RBFOX1: variants seen among roughly 807,000 people sequenced by gnomAD.
RBFOX1 encodes RNA binding protein fox-1 homolog 1.
A neutral mutation model predicts 57.7 loss-of-function variants in RBFOX1; 8 were observed. The ratio of observed to expected loss-of-function variants is 0.14; its 90% CI spans 0.08 to 0.25. The LOEUF is 0.25. Ranked by LOEUF, RBFOX1 falls within the 10% of genes least tolerant of loss-of-function variation. The pLI is 1.00. For missense variants in RBFOX1, 611 were observed against 548.5 expected (o/e 1.11, Z -1.14); for synonymous variants, 326 against 222.4 (o/e 1.47, Z -4.15).
intron 5 of RBFOX1, among the ~76,000 whole-genome samples, chr16:7,526,590 C>T (rs142636018): frequency 6.6e-6 from 1 of 152,314 alleles, no homozygotes; most frequent in Non-Finnish European, 1.5e-5. Flanking sequence ...GTTTACGCCT[C>T]ATGTACTTAC....
At chr16:6,746,125 C>A (rs764181850) in intron 3 of RBFOX1, among the ~76,000 whole-genome samples, 1 of 152,042 alleles carries the variant, frequency 6.6e-6, no homozygotes, top group South Asian at 2.1e-4. Flanking sequence ...TTGAAAGAGA[C>A]TTAAATATGT....
chr16:6,273,634 C>T (rs1270671509), intron 1 of RBFOX1, among the ~76,000 whole-genome samples: 1 of 151,898 alleles, frequency 6.6e-6, no homozygotes, highest in Non-Finnish European at 1.5e-5. Context: ...GCGTGAGCCA[C>T]CATGCTTGGC....
rs77678693 is a variant in RBFOX1, at chr16:5,495,260, G to C, written c.258+28006G>C. On this transcript the variant is annotated intron_variant, in intron 2 of 2. Transcript: ENST00000585867. The stretch of plus-strand genomic sequence containing the variant: ...AGCACAAAATACCCTGCTTCCATCA[G>C]CCTAGCAAAACTTTGGATACCAGTC... Among the ~76,000 whole-genome samples, 873 of 152,322 alleles carry C rather than the reference G, an allele frequency of 5.7e-3. 10 individuals carry two copies. The highest frequency in any genetic ancestry group is 0.011 in the Non-Finnish European group (719 of 68,034).
intron 2 of RBFOX1, among the ~76,000 whole-genome samples, chr16:6,459,384 A>G (rs2094854874): frequency 6.6e-6 from 1 of 152,154 alleles, no homozygotes; most frequent in African/African-American, 2.4e-5. Flanking sequence ...CATCCTTTCA[A>G]AAGAGTTTTA....
intron 3 of RBFOX1, among the ~76,000 whole-genome samples, chr16:6,710,869 G>A (rs1417136638): frequency 6.6e-6 from 1 of 152,192 alleles, no homozygotes; most frequent in Admixed American, 6.5e-5. Context: ...GAAAGGGACA[G>A]GCTTCATTTG....
chr16:6,591,290 A>G (rs1600816048), intron 2 of RBFOX1, among the ~76,000 whole-genome samples: 1 of 152,038 alleles, frequency 6.6e-6, no homozygotes. Context: ...TACTAAAAAT[A>G]TATATTTTTT....
chr16:6,626,813 T>C (rs1266574227), intron 2 of RBFOX1, among the ~76,000 whole-genome samples: 1 of 152,008 alleles, frequency 6.6e-6, no homozygotes, highest in East Asian at 1.9e-4. Flanking sequence ...TAGAATTCAG[T>C]TTATCACCAG....
At chr16:7,460,298 C>G (rs1220976735) in intron 4 of RBFOX1, among the ~76,000 whole-genome samples, 2 of 148,986 alleles carry the variant, frequency 1.3e-5, no homozygotes, top group East Asian at 4.0e-4. Context: ...CCTAGCCAGC[C>G]CACGTATCTC....
At chr16:6,775,915 C>T (rs1241469162) in intron 3 of RBFOX1, 1 of 152,168 alleles carries the variant, frequency 6.6e-6, no homozygotes, top group East Asian at 1.9e-4. Context: ...TGCTTCTTTC[C>T]AAGTCTCCTG....
intron 3 of RBFOX1, among the ~76,000 whole-genome samples, chr16:6,884,820 C>G (rs1022398905): frequency 6.6e-6 from 1 of 152,170 alleles, no homozygotes. Flanking sequence ...ATCTCTTGAA[C>G]TCAGGAGGTG....
At chr16:5,545,405 A>G (rs1199065946) in intron 2 of RBFOX1, among the ~76,000 whole-genome samples, 1 of 152,224 alleles carries the variant, frequency 6.6e-6, no homozygotes, top group African/African-American at 2.4e-5. Flanking sequence ...CAGAGAAATT[A>G]TAAGAAGAGG....
intron 5 of RBFOX1, among the ~76,000 whole-genome samples, chr16:7,542,410 T>A (rs2083191924): frequency 6.6e-6 from 1 of 151,956 alleles, no homozygotes; most frequent in African/African-American, 2.4e-5. Flanking sequence ...GCAGGTGAAA[T>A]TCCAGTTGAT....
chr16:5,836,332 C>A (rs1388261188), intron 3 of RBFOX1, among the ~76,000 whole-genome samples: 1 of 152,124 alleles, frequency 6.6e-6, no homozygotes. Flanking sequence ...CTCCAAGACC[C>A]TTTGCCTGGC....
At chr16:6,083,073 C>T (rs1446376683) in intron 1 of RBFOX1, among the ~76,000 whole-genome samples, 1 of 152,006 alleles carries the variant, frequency 6.6e-6, no homozygotes. Context: ...ATGATCTCGG[C>T]TCACTGCAAC....
At chr16:7,047,249 G>C (rs761535446) in intron 3 of RBFOX1, among the ~76,000 whole-genome samples, 1 of 152,244 alleles carries the variant, frequency 6.6e-6, no homozygotes, top group South Asian at 2.1e-4. Context: ...TCTGTCTGCA[G>C]TGAATTTTCT....
At chr16:7,538,563 C>T (rs991656618) in intron 5 of RBFOX1, among the ~76,000 whole-genome samples, 3 of 152,110 alleles carry the variant, frequency 2.0e-5, no homozygotes, top group African/African-American at 4.8e-5. Context: ...ATGGTTTCTT[C>T]GTTTAGAATG....
intron 3 of RBFOX1, among the ~76,000 whole-genome samples, chr16:7,043,163 G>C (rs948617376): frequency 6.6e-6 from 1 of 152,028 alleles, no homozygotes; most frequent in East Asian, 1.9e-4. Flanking sequence ...TTAGATCAAG[G>C]GTCTCAGCTC....
intron 4 of RBFOX1, among the ~76,000 whole-genome samples, chr16:5,994,839 A>C (rs921069626): frequency 2.0e-5 from 3 of 152,202 alleles, no homozygotes; most frequent in South Asian, 2.1e-4. Context: ...CAAAGGGCCA[A>C]GTGCCCAATG....
intron 3 of RBFOX1, among the ~76,000 whole-genome samples, chr16:6,839,970 T>A (rs1380794614): frequency 6.6e-6 from 1 of 152,208 alleles, no homozygotes; most frequent in Non-Finnish European, 1.5e-5. Flanking sequence ...GTTTTCTTTT[T>A]AAAATAACGA....
Sources: gnomAD v4.1 joint callset for allele counts (sites outside exome capture counted in the v4.1 genomes callset) on GRCh38, gnomAD v4.1.1 for gene constraint, MANE v1.5 for transcripts, NCBI Gene and HGNC (gene_info 2026-07-23, HGNC 2026-07-21) for gene names.